Variants in NEDD4 observed in about 807,000 individuals in gnomAD.
NEDD4 encodes NEDD4 E3 ubiquitin protein ligase, also known as E3 ubiquitin-protein ligase NEDD4.
Under a neutral mutation model 144.9 loss-of-function variants are expected in NEDD4, and 99 were observed. The observed-to-expected ratio is 0.68, with a 90% CI of 0.58 to 0.81. The LOEUF is 0.81. NEDD4 is among the 30% of genes least tolerant of loss of function. The pLI is 0.00. For synonymous variants in NEDD4, 318 were observed against 350.6 expected (o/e 0.91, Z 1.04); for missense variants, 985 against 1,065.9 (o/e 0.92, Z 1.06).
chr15:55,868,556 C>T (rs1412099257), intron 8 of NEDD4, among the ~76,000 whole-genome samples: 1 of 152,130 alleles, frequency 6.6e-6, no homozygotes, highest in Non-Finnish European at 1.5e-5. Context: ...GGGCAGTTCC[C>T]TGGCACACAC....
chr15:55,920,437 G>GT (rs2036548454), intron 5 of NEDD4, among the ~76,000 whole-genome samples: 1 of 151,864 alleles, frequency 6.6e-6, no homozygotes, highest in Admixed American at 6.6e-5. Flanking sequence ...GGTGGGTAGA[G>GT]TTTTTTTAAG....
At chr15:55,971,379 C>T (rs1217301554) in intron 1 of NEDD4, among the ~76,000 whole-genome samples, 1 of 152,088 alleles carries the variant, frequency 6.6e-6, no homozygotes, top group East Asian at 1.9e-4. Flanking sequence ...AATCCCAGCA[C>T]TTTGGGAGGC....
intron 14 of NEDD4, among the ~76,000 whole-genome samples, chr15:55,849,382 G>A (rs372493803): frequency 1.3e-5 from 2 of 152,060 alleles, no homozygotes; most frequent in Admixed American, 6.5e-5. Context: ...GCACCACCAT[G>A]CCTAGCTAAT....
chr15:55,899,462 G>C (rs2035843169), intron 5 of NEDD4, among the ~76,000 whole-genome samples: 1 of 152,118 alleles, frequency 6.6e-6, no homozygotes, highest in Admixed American at 6.5e-5. Flanking sequence ...ACATATCAAT[G>C]AAAACAGGAA....
At chr15:55,964,946 T>C (rs2037488310) in intron 2 of NEDD4, among the ~76,000 whole-genome samples, 1 of 151,886 alleles carries the variant, frequency 6.6e-6, no homozygotes, top group African/African-American at 2.4e-5. Flanking sequence ...CTGGCACACC[T>C]CCCCCTTGCT....
chr15:55,945,097 C>T (rs2037084394), intron 4 of NEDD4, among the ~76,000 whole-genome samples: 1 of 151,998 alleles, frequency 6.6e-6, no homozygotes, highest in Non-Finnish European at 1.5e-5. Context: ...AACCAGAGCG[C>T]ATCTTCTCCT....
intron 2 of NEDD4, among the ~76,000 whole-genome samples, chr15:55,962,785 T>C (rs1325694982): frequency 6.6e-6 from 1 of 151,730 alleles, no homozygotes; most frequent in Non-Finnish European, 1.5e-5. Flanking sequence ...TTTTCCGACT[T>C]TTATTTTTTT....
intron 5 of NEDD4, among the ~76,000 whole-genome samples, chr15:55,889,480 A>G (rs1294952757): frequency 6.6e-6 from 1 of 152,214 alleles, no homozygotes; most frequent in Non-Finnish European, 1.5e-5. Flanking sequence ...CAGAAAGACA[A>G]ACTTCACATG....
chr15:55,928,229 C>T (rs987204585), intron 4 of NEDD4, among the ~76,000 whole-genome samples: 31 of 152,194 alleles, frequency 2.0e-4, no homozygotes, highest in African/African-American at 7.5e-4. Flanking sequence ...CCAGGCTGGT[C>T]TCGAACCCCT....
chr15:55,925,451 T>G (rs2036644212), intron 4 of NEDD4, among the ~76,000 whole-genome samples: 1 of 152,246 alleles, frequency 6.6e-6, no homozygotes, highest in Admixed American at 6.5e-5. Flanking sequence ...AATTACATGT[T>G]GCTTTTACTA....
At chr15:55,905,878 T>G (rs2036073862) in intron 5 of NEDD4, among the ~76,000 whole-genome samples, 1 of 152,210 alleles carries the variant, frequency 6.6e-6, no homozygotes, top group African/African-American at 2.4e-5. Flanking sequence ...TTTAGTTTAA[T>G]TAGATCCCAT....
At position 55,938,708 on chromosome 15, in the gene NEDD4, T is replaced by C. The variant is rs1047471205; in HGVS notation, c.237+12668A>G. Among the ~76,000 whole-genome samples the C allele has an allele frequency of 3.3e-5, 5 of 152,036 alleles. 1 individual carries two copies. Among genetic ancestry groups the C allele is most frequent in the Admixed American group, 6.6e-5 (1 of 15,264 alleles). On this transcript the variant is annotated intron_variant, in intron 4 of 28. Transcript: ENST00000435532. ...GGGAAAAATATTTGCAGACCATGTA[T>C]AAGATAAAGAGTTGATCTCCAAACT...
chr15:55,978,739 T>C (rs1200269865), intron 1 of NEDD4, among the ~76,000 whole-genome samples: 2 of 152,130 alleles, frequency 1.3e-5, no homozygotes, highest in Admixed American at 1.3e-4. Context: ...AAATAGAAAG[T>C]TGCAAATTAC....
intron 2 of NEDD4, among the ~76,000 whole-genome samples, chr15:55,953,876 A>G (rs1227514728): frequency 6.6e-6 from 1 of 152,086 alleles, no homozygotes; most frequent in Non-Finnish European, 1.5e-5. Flanking sequence ...GCCTGCCACC[A>G]CGCTTGGCTA....
chr15:55,923,659 A>AAATATAT (rs546642962), intron 5 of NEDD4, among the ~76,000 whole-genome samples: 140 of 135,276 alleles, frequency 1.0e-3, no homozygotes, highest in East Asian at 3.5e-3. Context: ...AAAAAAAAAA[A>AAATATAT]ATATATATAT....
chr15:55,882,913 G>A (rs2035246765), intron 5 of NEDD4, among the ~76,000 whole-genome samples: 1 of 152,168 alleles, frequency 6.6e-6, no homozygotes, highest in Non-Finnish European at 1.5e-5. Context: ...TACATCATGG[G>A]CCTTAGGTGA....
At chr15:55,929,134 C>T (rs146710301) in intron 4 of NEDD4, among the ~76,000 whole-genome samples, 13 of 152,230 alleles carry the variant, frequency 8.5e-5, no homozygotes, top group African/African-American at 3.1e-4. Context: ...TGAAAACCAC[C>T]GAAAGAACAG....
chr15:55,953,284 G>A (rs971286624), intron 2 of NEDD4, among the ~76,000 whole-genome samples: 2 of 151,566 alleles, frequency 1.3e-5, no homozygotes, highest in South Asian at 2.1e-4. Context: ...CCATAGCGCT[G>A]AGCCCGTATA....
At chr15:55,872,280 T>TAAC (rs2034828165) in intron 7 of NEDD4, 135 bp downstream of exon 7, 1 of 238,022 alleles carries the variant, frequency 4.2e-6, no homozygotes, top group African/African-American at 2.3e-5. Flanking sequence ...TTTAAAATAA[T>TAAC]AATAATAATA....
Sources: allele counts gnomAD v4.1 joint callset (sites outside exome capture counted in the v4.1 genomes callset), GRCh38; gene constraint gnomAD v4.1.1; transcripts MANE v1.5; gene names NCBI Gene and HGNC (gene_info 2026-07-23, HGNC 2026-07-21).